NSUN5: variants seen among roughly 807,000 people sequenced by gnomAD.
The protein encoded by NSUN5 is 28S rRNA (cytosine-C(5))-methyltransferase.
A neutral mutation model predicts 51.1 loss-of-function variants in NSUN5; 39 were observed. The observed-to-expected ratio is 0.76, with a 90% CI of 0.59 to 1.00. NSUN5 has a LOEUF of 1.00. Ranked by LOEUF, NSUN5 falls within the 50% of genes least tolerant of loss-of-function variation. The pLI, the probability that NSUN5 is intolerant of heterozygous loss-of-function variation, is 0.00. For synonymous variants in NSUN5, 266 were observed against 271.5 expected (o/e 0.98, Z 0.20); for missense variants, 526 against 614.0 (o/e 0.86, Z 1.51).
intron 7 of NSUN5, 65 bp from the exon 8 acceptor site, chr7:73,304,101 C>T (rs1803931964): frequency 6.3e-7 from 1 of 1,580,938 alleles, no homozygotes; most frequent in Non-Finnish European, 8.7e-7. Context: ...ATCCTCGCTT[C>T]ACAGAGGAGA....
At position 73,308,572 on chromosome 7, in the gene NSUN5, C is replaced by T. The variant is rs782053335; in HGVS notation, c.94-19G>A. 6.3e-7 allele frequency: 1 copy of T among 1,593,598 alleles called. No homozygotes were observed. The highest frequency in any genetic ancestry group is 8.6e-7 in the Non-Finnish European group (1 of 1,165,036). On this transcript the variant is annotated intron_variant, in intron 1 of 9. Transcript: ENST00000438747. ...TCACGTTCTGTGTGGCCGAGGAAGA[C>T]AAGCTGGGTGGGGGCTCCCCCGGCC... is the stretch of plus-strand genomic sequence containing the variant.
chr7:73,304,836 C>T lies in NSUN5; in HGVS notation c.666G>A (p.Leu222=). The T allele has an allele frequency of 6.2e-7, 1 of 1,613,910 alleles. No individual in the cohort carries two copies. Residue 222 remains leucine (L), a synonymous_variant, in exon 6 of 10, where the codon CTG becomes CTA. Coordinates refer to ENST00000438747, the MANE Select transcript of NSUN5 (RefSeq NM_148956.4). ...TGACATGGGAGCCTGGCGGGGGGTCCAGCAGCATGGCTGGGAGACAGCTGG... is the reference window on the plus strand; with the variant it reads ...TGACATGGGAGCCTGGCGGGGGGTCTAGCAGCATGGCTGGGAGACAGCTGG... ...DRASCLPAML[L]DPPPGSHVID...
In NSUN5 at chr7:73,303,850, A is replaced by G; in HGVS notation, c.1121T>C (p.Leu374Pro). 2 of 1,613,862 alleles carry G rather than the reference A, an allele frequency of 1.2e-6. No homozygotes were observed. The highest frequency in any genetic ancestry group is 1.7e-6 in the Non-Finnish European group (2 of 1,179,902). The change falls in exon 8 of 10, where the codon CTG becomes CCG. Residue 374 changes from leucine (L) to proline (P), a missense_variant. Physicochemically the swap from Leu to Pro is moderately conservative, Grantham distance 98. Transcript: ENST00000438747. ...CCTGAAGGCGCCCGGGTTCTGCTGCAGCGCATCTCGCACCACGTCTTCATT... is the reference window on the plus strand; with the variant it reads ...CCTGAAGGCGCCCGGGTTCTGCTGCGGCGCATCTCGCACCACGTCTTCATT... ...EENEDVVRDALQQNPGAFRLA... is the reference protein window; with the variant it reads ...EENEDVVRDAPQQNPGAFRLA...
chr7:73,308,314 T>C (rs1283922733), intron 2 of NSUN5, 117 bp downstream of exon 2: 12 of 1,318,202 alleles, frequency 9.1e-6, no homozygotes, highest in Non-Finnish European at 1.2e-5. Flanking sequence ...GGTCGGCTCA[T>C]ACTCATTTCA....
chr7:73,306,191 C>A (rs1365479555), intron 4 of NSUN5, among the ~76,000 whole-genome samples: 1 of 151,260 alleles, frequency 6.6e-6, no homozygotes, highest in Non-Finnish European at 1.5e-5. Flanking sequence ...TCGAGACCAG[C>A]CTGACCAACA....
At position 73,308,163 on chromosome 7, in the gene NSUN5, A is replaced by T. The variant is rs1226057031; in HGVS notation, c.216+268T>A. The T allele has an allele frequency of 1.7e-5, 8 of 480,840 alleles. No homozygotes were observed. The Admixed American group carries it at 2.6e-4, about 16-fold the overall frequency. 29.8% of individuals were successfully genotyped at this position (480,840 alleles called of 1,614,324 possible). The stretch of plus-strand genomic sequence containing the variant: ...ATCCTCCTCCCTCAGCCTCCCGAGT[A>T]GCTGGGACCACAGGTGCGCGCCGCC... On this transcript the variant is annotated intron_variant, in intron 2 of 9. Coordinates refer to ENST00000438747, the MANE Select transcript of NSUN5 (RefSeq NM_148956.4).
Position 73,303,184 on chromosome 7 carries a change from T to C in NSUN5, c.*231A>G. On this transcript the variant is annotated 3_prime_UTR_variant, in exon 10 of 10. Transcript: ENST00000438747. ...GAACTTTTAGTATGAATGTGAGATT[T>C]TTCTCCTGCTTGTGACATTAAGAAT... 5 of 1,456,130 alleles carry C rather than the reference T, an allele frequency of 3.4e-6. No individual in the cohort carries two copies. The highest frequency in any genetic ancestry group is 4.5e-6 in the Non-Finnish European group (5 of 1,103,408). The allele number at this position is 1,456,130 out of a possible 1,614,324, so 90.2% of individuals were successfully genotyped here. A position where few individuals can be genotyped will look rare whatever the true frequency, so the allele number is the denominator to read the frequency against.
chr7:73,304,366 G>A lies in NSUN5; in HGVS notation c.798C>T (p.Ser266=), dbSNP rs782086547. 98 of 1,613,710 alleles carry A rather than the reference G, an allele frequency of 6.1e-5. No individual in the cohort carries two copies. Among genetic ancestry groups the A allele is most frequent in the Non-Finnish European group, 8.0e-5 (94 of 1,179,898 alleles). Residue 266 remains serine, a synonymous_variant, in exon 7 of 10, where the codon TCC becomes TCT. Coordinates refer to ENST00000438747, the MANE Select transcript of NSUN5 (RefSeq NM_148956.4). ...CAGCCCGGGCCAGCAGCGTGGCCAT[G>A]GATGCCAGCCGCTTGGCATCCAGGT... ...AFDLDAKRLA[S]MATLLARAGV...
At chr7:73,308,069 T>C (rs1485834836) in intron 2 of NSUN5, 87 of 454,428 alleles carry the variant, frequency 1.9e-4, no homozygotes, top group Non-Finnish European at 3.5e-5. Flanking sequence ...GGTCTAGCTC[T>C]GTCGCCCAGG....
intron 2 of NSUN5, chr7:73,308,074 C>A (rs1357791373): frequency 6.6e-6 from 3 of 452,530 alleles, no homozygotes; most frequent in Non-Finnish European, 1.2e-5. Flanking sequence ...AGCTCTGTCG[C>A]CCAGGCTGAA....
At chr7:73,307,317 C>G in intron 4 of NSUN5, 77 bp downstream of exon 4, 3 of 1,078,848 alleles carry the variant, frequency 2.8e-6, no homozygotes, top group Non-Finnish European at 4.2e-6. Context: ...AGCAAAGTCA[C>G]AACTATCCAG....
rs568894547 is a variant in NSUN5 at position 73,306,965 on chromosome 7, T to G, written c.500+429A>C. Among the ~76,000 whole-genome samples the G allele has an allele frequency of 1.9e-4, 29 of 152,258 alleles. No individual in the cohort carries two copies. The East Asian group carries it at 5.0e-3, about 26-fold the overall frequency. ...AGGAGAAGGAAGCACCTAGGATGAC[T>G]CAGTTTCTGGCTTGACCAAATGGGT... On this transcript the variant is annotated intron_variant, in intron 4 of 9. Transcript: ENST00000438747.
In NSUN5 at chr7:73,302,891, T is replaced by A. The variant is rs1554540855; in HGVS notation, c.*524A>T. 9.7e-7 allele frequency: 1 copy of A among 1,031,948 alleles called. No homozygotes were observed. The highest frequency in any genetic ancestry group is 1.2e-6 in the Non-Finnish European group (1 of 856,450). 63.9% of individuals were successfully genotyped at this position (1,031,948 alleles called of 1,614,324 possible). A position where few individuals can be genotyped will look rare whatever the true frequency, so the allele number is the denominator to read the frequency against. On this transcript the variant is annotated 3_prime_UTR_variant, in exon 10 of 10. Coordinates refer to ENST00000438747, the MANE Select transcript of NSUN5 (RefSeq NM_148956.4). ...GCTGCGTGTGCAGCTGAGGAGGGAG[T>A]GAACCTCAAGCCTAAATACCTGTTA...
At chr7:73,307,350 A>G (rs1554541931) in intron 4 of NSUN5, 44 bp downstream of exon 4, 6 of 1,415,744 alleles carry the variant, frequency 4.2e-6, no homozygotes, top group Admixed American at 1.7e-5. Flanking sequence ...CCAATACCCC[A>G]GACACCTCCC....
rs782709646 is a variant in NSUN5, at chr7:73,307,580, T to C, written c.391+3A>G. Reference sequence around the variant, plus strand: ...CCCCACCCCCCAACTCCTTCCAGCTTACCTGGACCAGGCCTGGATCCCACT... The same window carrying C: ...CCCCACCCCCCAACTCCTTCCAGCTCACCTGGACCAGGCCTGGATCCCACT... On this transcript the variant is annotated splice_donor_region_variant and intron_variant, in intron 3 of 9. Transcript: ENST00000438747. 9.7e-7 allele frequency: 1 copy of C among 1,031,956 alleles called. No homozygotes were observed. The highest frequency in any genetic ancestry group is 1.4e-6 in the Non-Finnish European group (1 of 727,846). 63.9% of individuals were successfully genotyped at this position (1,031,956 alleles called of 1,614,324 possible). A position where few individuals can be genotyped will look rare whatever the true frequency, so the allele number is the denominator to read the frequency against.
intron 7 of NSUN5, 34 bp downstream of exon 7, chr7:73,304,196 C>T (rs368675280): frequency 5.0e-5 from 79 of 1,579,240 alleles, no homozygotes; most frequent in African/African-American, 1.5e-4. Flanking sequence ...TGTGGATCTG[C>T]GAGTCCCTCG....
chr7:73,305,904 AG>A (rs1482656935), intron 4 of NSUN5, among the ~76,000 whole-genome samples: 1 of 152,158 alleles, frequency 6.6e-6, no homozygotes, highest in East Asian at 1.9e-4. Context: ...TACAAAGAGT[AG>A]GAGAAAGGGA....
Position 73,303,236 on chromosome 7 carries a change from C to G in NSUN5, c.*179G>C. 6.3e-7 allele frequency: 1 copy of G among 1,584,586 alleles called. No homozygotes were observed. The highest frequency in any genetic ancestry group is 8.6e-7 in the Non-Finnish European group (1 of 1,164,082). ...AAAAACTGTGATCTATCGTAGAGTA[C>G]GTTCTGCATTTTATTTTTGCAGGCA... On this transcript the variant is annotated 3_prime_UTR_variant, in exon 10 of 10. Transcript: ENST00000438747.
At chr7:73,307,932 C>G in intron 2 of NSUN5, 175 bp from the exon 3 acceptor site, 1 of 637,956 alleles carries the variant, frequency 1.6e-6, no homozygotes, top group Admixed American at 3.2e-5. Context: ...AGAACAGGAT[C>G]GGAACCTGGC....
Sources: gnomAD v4.1 joint callset for allele counts (sites outside exome capture counted in the v4.1 genomes callset) on GRCh38, gnomAD v4.1.1 for gene constraint, MANE v1.5 for transcripts, NCBI Gene and HGNC (gene_info 2026-07-23, HGNC 2026-07-21) for gene names.